The following SLC10A7 variants were observed in gnomAD, a reference collection of about 807,000 sequenced individuals.
SLC10A7 encodes the protein sodium/bile acid cotransporter 7.
Under a neutral mutation model 43.2 loss-of-function variants are expected in SLC10A7, and 29 were observed. The observed-to-expected ratio is 0.67, with a 90% CI of 0.50 to 0.92. The LOEUF (loss-of-function observed/expected upper bound fraction) is 0.92. Among genes scored for constraint, SLC10A7 ranks in the 40% least tolerant of loss-of-function variants. SLC10A7 has a pLI of 0.00. For missense variants in SLC10A7, 295 were observed against 403.2 expected (o/e 0.73, Z 2.30); for synonymous variants, 152 against 144.8 (o/e 1.05, Z -0.35).
At chr4:146,405,297 A>T (rs893869029) in intron 5 of SLC10A7, among the ~76,000 whole-genome samples, 2 of 152,154 alleles carry the variant, frequency 1.3e-5, no homozygotes, top group African/African-American at 4.8e-5. Flanking sequence ...TAGGCCAAAG[A>T]GTCCTAATCT....
At chr4:146,465,137 C>T (rs763907229) in intron 4 of SLC10A7, among the ~76,000 whole-genome samples, 1 of 152,042 alleles carries the variant, frequency 6.6e-6, no homozygotes, top group Non-Finnish European at 1.5e-5. Context: ...AGCCACTGTG[C>T]GTAATTAACA....
intron 5 of SLC10A7, among the ~76,000 whole-genome samples, chr4:146,435,302 T>G (rs1730125100): frequency 6.6e-6 from 1 of 152,154 alleles, no homozygotes; most frequent in African/African-American, 2.4e-5. Context: ...AGATTCTCTT[T>G]GGCTGATAGA....
intron 10 of SLC10A7, among the ~76,000 whole-genome samples, chr4:146,276,343 A>G (rs1729205385): frequency 1.3e-5 from 2 of 152,128 alleles, no homozygotes; most frequent in African/African-American, 4.8e-5. Flanking sequence ...TGTTAGAGCA[A>G]TTGGCTGTTC....
chr4:146,316,025 G>A (rs183578118), intron 6 of SLC10A7, among the ~76,000 whole-genome samples: 223 of 152,142 alleles, frequency 1.5e-3, no homozygotes, highest in Admixed American at 2.3e-3. Flanking sequence ...TTCCTGGCCT[G>A]TTAGATGTTA....
chr4:146,490,936 A>T (rs1390339977), intron 4 of SLC10A7, among the ~76,000 whole-genome samples: 2 of 152,216 alleles, frequency 1.3e-5, no homozygotes, highest in East Asian at 3.8e-4. Context: ...CTACTCCTAC[A>T]CTGCATTAAA....
chr4:146,345,118 G>A (rs1332205104), intron 5 of SLC10A7, among the ~76,000 whole-genome samples: 1 of 152,158 alleles, frequency 6.6e-6, no homozygotes, highest in East Asian at 1.9e-4. Context: ...TTTGAGGCAA[G>A]AGGTACTTTT....
At chr4:146,391,616 A>G (rs1405035515) in intron 5 of SLC10A7, among the ~76,000 whole-genome samples, 1 of 152,216 alleles carries the variant, frequency 6.6e-6, no homozygotes, top group Non-Finnish European at 1.5e-5. Context: ...GGTGTATAAA[A>G]GGCAGATGAA....
chr4:146,437,914 G>A lies in SLC10A7; in HGVS notation c.435+4869C>T, dbSNP rs576833012. Among the ~76,000 whole-genome samples the A allele has an allele frequency of 3.9e-5, 6 of 151,970 alleles. No individual in the cohort carries two copies. In the South Asian group the frequency reaches 1.2e-3, roughly 32 times the overall value. ...TTCTCTAATGTTTTATAGCATAGTT[G>A]GAAACTCAGTTTGGCATGATCATCT... On this transcript the variant is annotated intron_variant, in intron 5 of 11. Coordinates refer to ENST00000335472, the MANE Select transcript of SLC10A7 (RefSeq NM_001029998.6).
At chr4:146,289,649 A>G (rs2111164853) in intron 9 of SLC10A7, among the ~76,000 whole-genome samples, 1 of 151,858 alleles carries the variant, frequency 6.6e-6, no homozygotes, top group South Asian at 2.1e-4. Context: ...GGACAGAGAA[A>G]AGTAAAAAGT....
chr4:146,481,469 G>A (rs916586769), intron 4 of SLC10A7, among the ~76,000 whole-genome samples: 5 of 152,056 alleles, frequency 3.3e-5, no homozygotes, highest in Non-Finnish European at 5.9e-5. Flanking sequence ...CTACCATTTC[G>A]GGGTCCAGAG....
At chr4:146,281,052 C>T (rs1289589843) in intron 10 of SLC10A7, among the ~76,000 whole-genome samples, 1 of 152,152 alleles carries the variant, frequency 6.6e-6, no homozygotes, top group Non-Finnish European at 1.5e-5. Context: ...TGGTAGAACA[C>T]TGCAAAAGCA....
intron 4 of SLC10A7, among the ~76,000 whole-genome samples, chr4:146,498,751 T>A (rs1020934324): frequency 2.6e-5 from 4 of 152,220 alleles, no homozygotes; most frequent in African/African-American, 9.6e-5. Context: ...ATTGAGTTCC[T>A]TCTGCTGCTA....
In SLC10A7 at chr4:146,342,041, A is replaced by C. The variant is rs1020401455; in HGVS notation, c.436-16045T>G. 2.8e-4 allele frequency among the ~76,000 whole-genome samples: 42 copies of C among 151,842 alleles called. 1 individual carries two copies. The highest frequency in any genetic ancestry group is 9.1e-4 in the African/African-American group (38 of 41,532). On this transcript the variant is annotated intron_variant, in intron 5 of 11. Coordinates refer to ENST00000335472, the MANE Select transcript of SLC10A7 (RefSeq NM_001029998.6). The stretch of plus-strand genomic sequence containing the variant: ...TACAGAAAAAAAACAGTATCCACCC[A>C]TTCCTCTACCCACCTACTCATCCAT...
intron 4 of SLC10A7, among the ~76,000 whole-genome samples, chr4:146,491,413 C>T (rs1157729895): frequency 6.6e-6 from 1 of 152,000 alleles, no homozygotes; most frequent in Non-Finnish European, 1.5e-5. Flanking sequence ...GGCAAATATC[C>T]ATTAAAGTTT....
intron 9 of SLC10A7, among the ~76,000 whole-genome samples, chr4:146,288,284 C>T (rs1730171568): frequency 6.6e-6 from 1 of 152,198 alleles, no homozygotes; most frequent in Non-Finnish European, 1.5e-5. Context: ...GCTCACTTAA[C>T]CCTCTCTTCA....
chr4:146,363,119 A>C (rs1273508578), intron 5 of SLC10A7, among the ~76,000 whole-genome samples: 1 of 152,090 alleles, frequency 6.6e-6, no homozygotes, highest in Non-Finnish European at 1.5e-5. Flanking sequence ...CCTACAAAAA[A>C]CTCAATTCAC....
At chr4:146,483,757 G>A (rs1252902314) in intron 4 of SLC10A7, among the ~76,000 whole-genome samples, 1 of 151,930 alleles carries the variant, frequency 6.6e-6, no homozygotes, top group Admixed American at 6.6e-5. Context: ...AGACATATAA[G>A]CTGAAAGTAA....
intron 10 of SLC10A7, among the ~76,000 whole-genome samples, chr4:146,273,251 G>A (rs1272325924): frequency 6.6e-6 from 1 of 152,170 alleles, no homozygotes; most frequent in Non-Finnish European, 1.5e-5. Flanking sequence ...TAGCTAGAAT[G>A]AAGCTGACAC....
intron 5 of SLC10A7, among the ~76,000 whole-genome samples, chr4:146,365,936 C>G (rs1736362607): frequency 6.6e-6 from 1 of 152,182 alleles, no homozygotes; most frequent in South Asian, 2.1e-4. Context: ...AGCTCCGCCT[C>G]CTGTTTTATC....
Sources: gnomAD v4.1 joint callset for allele counts (sites outside exome capture counted in the v4.1 genomes callset) on GRCh38, gnomAD v4.1.1 for gene constraint, MANE v1.5 for transcripts, NCBI Gene and HGNC (gene_info 2026-07-23, HGNC 2026-07-21) for gene names.